SGCZ: variants seen among roughly 807,000 people sequenced by gnomAD.
SGCZ encodes the protein sarcoglycan zeta.
SGCZ carries 40 observed loss-of-function variants against 41.3 expected under a neutral mutation model. That is an observed-to-expected ratio of 0.97 (90% CI 0.75 to 1.26). SGCZ has a LOEUF of 1.26. Ranked by LOEUF, SGCZ falls within the 50% of genes most tolerant of loss-of-function variation. The pLI, the probability that SGCZ is intolerant of heterozygous loss-of-function variation, is 0.00. For missense variants in SGCZ, 552 were observed against 369.8 expected, an observed-to-expected ratio of 1.49 and a Z score of -4.04; for synonymous variants, 206 against 137.5, an observed-to-expected ratio of 1.50 and a Z score of -3.49.
intron 4 of SGCZ, 106 bp downstream of exon 4, chr8:14,237,486 A>T (rs1032465452): frequency 1.1e-6 from 1 of 952,230 alleles, no homozygotes; most frequent in Non-Finnish European, 1.6e-6. Flanking sequence ...CTGTCTCAAA[A>T]CAACAACAAC....
At chr8:15,214,979 T>C (rs959590298) in intron 1 of SGCZ, among the ~76,000 whole-genome samples, 1 of 152,184 alleles carries the variant, frequency 6.6e-6, no homozygotes, top group African/African-American at 2.4e-5. Context: ...AATGTTAAGG[T>C]TGATATTCTT....
In SGCZ at chr8:14,649,380, T is replaced by A. The variant is rs572174951; in HGVS notation, c.40-94454A>T. Among the ~76,000 whole-genome samples the A allele has an allele frequency of 2.0e-5, 3 of 152,222 alleles. No homozygotes were observed. In the East Asian group the frequency reaches 5.8e-4, roughly 29 times the overall value. On this transcript the variant is annotated intron_variant, in intron 1 of 7. Transcript: ENST00000382080. ...TCCAGATAATATTGCTTCCCTAATA[T>A]GAAGGGACAACCCATCTGGCTTCTG...
intron 1 of SGCZ, among the ~76,000 whole-genome samples, chr8:14,792,336 A>T (rs1340191713): frequency 6.6e-6 from 1 of 152,154 alleles, no homozygotes; most frequent in Non-Finnish European, 1.5e-5. Flanking sequence ...TTGTGTTTCC[A>T]CATATCGCTC....
rs919005357 is a variant in SGCZ at position 14,953,486 on chromosome 8, T to A, written c.39+284099A>T. Among the ~76,000 whole-genome samples, 17 of 152,138 alleles carry A rather than the reference T, an allele frequency of 1.1e-4. No individual in the cohort carries two copies. In the South Asian group the frequency reaches 3.5e-3, roughly 32 times the overall value. On this transcript the variant is annotated intron_variant, in intron 1 of 7. Transcript: ENST00000382080. ...CAGAGCCAACACATATTATCACCCC[T>A]CCCAGCCTAACTCAGAAAACATCCA... is the stretch of plus-strand genomic sequence containing the variant.
chr8:14,586,114 T>G (rs1805049201), intron 1 of SGCZ, among the ~76,000 whole-genome samples: 1 of 152,204 alleles, frequency 6.6e-6, no homozygotes, highest in South Asian at 2.1e-4. Flanking sequence ...CTGAGAATAA[T>G]TCTACTTCAT....
chr8:14,113,576 G>C (rs1261292376), intron 5 of SGCZ, among the ~76,000 whole-genome samples: 1 of 151,838 alleles, frequency 6.6e-6, no homozygotes, highest in Non-Finnish European at 1.5e-5. Flanking sequence ...TTTGATTAAT[G>C]GTAAAACCAT....
chr8:14,362,886 T>C (rs951218511), intron 2 of SGCZ, among the ~76,000 whole-genome samples: 2 of 152,228 alleles, frequency 1.3e-5, no homozygotes, highest in African/African-American at 2.4e-5. Context: ...TATGCAAATA[T>C]AGTATTATTG....
chr8:14,650,287 C>T (rs7017407), intron 1 of SGCZ, among the ~76,000 whole-genome samples: 1 of 151,870 alleles, frequency 6.6e-6, no homozygotes, highest in African/African-American at 2.4e-5. Context: ...TCTTTACAGG[C>T]TTCTCATCCT....
chr8:14,237,801 T>G, intron 3 of SGCZ, 122 bp from the exon 4 acceptor site: 5 of 745,362 alleles, frequency 6.7e-6, no homozygotes, highest in Non-Finnish European at 1.0e-5. Flanking sequence ...TATTAGACAG[T>G]TAATTTAACG....
chr8:14,444,358 C>T (rs1800366291), intron 2 of SGCZ, among the ~76,000 whole-genome samples: 1 of 152,084 alleles, frequency 6.6e-6, no homozygotes, highest in Admixed American at 6.6e-5. Context: ...AAGACACATG[C>T]ACACGTATGT....
At chr8:14,784,913 A>AAAAAAAAAAAAAAAAT (rs1408574493) in intron 1 of SGCZ, among the ~76,000 whole-genome samples, 13 of 88,032 alleles carry the variant, frequency 1.5e-4, no homozygotes, top group East Asian at 4.2e-4. Flanking sequence ...AAAAAAAAAA[A>AAAAAAAAAAAAAAAAT]ATATATATAT....
chr8:14,464,885 T>A (rs952971446), intron 2 of SGCZ, among the ~76,000 whole-genome samples: 1 of 151,648 alleles, frequency 6.6e-6, no homozygotes, highest in African/African-American at 2.4e-5. Context: ...TATGTGAATT[T>A]TCCTGTTTCT....
chr8:14,153,172 T>G (rs1484402289), intron 5 of SGCZ, among the ~76,000 whole-genome samples: 1 of 152,184 alleles, frequency 6.6e-6, no homozygotes, highest in Non-Finnish European at 1.5e-5. Flanking sequence ...AAAAACTAGG[T>G]GAATGTTGCA....
intron 1 of SGCZ, among the ~76,000 whole-genome samples, chr8:14,976,127 A>G (rs1420662608): frequency 6.6e-6 from 1 of 151,086 alleles, no homozygotes; most frequent in Non-Finnish European, 1.5e-5. Context: ...GTTTCAAGCG[A>G]TTCTCTCGCC....
intron 1 of SGCZ, among the ~76,000 whole-genome samples, chr8:14,580,161 A>C (rs1331728527): frequency 1.3e-5 from 2 of 152,212 alleles, no homozygotes; most frequent in African/African-American, 2.4e-5. Context: ...TTAGGTTATG[A>C]AAGAAAAGGC....
chr8:14,087,714 T>TAAA lies in SGCZ; in HGVS notation c.*2726_*2728dup, dbSNP rs200896009. 1.2e-4 allele frequency among the ~76,000 whole-genome samples: 18 copies of TAAA among 147,504 alleles called. No individual in the cohort carries two copies. Among genetic ancestry groups the TAAA allele is most frequent in the African/African-American group, 2.7e-4 (11 of 40,578 alleles). The stretch of plus-strand genomic sequence containing the variant: ...TGCAATTAAGGGACCACTATATTTT[T>TAAA]AAAAAAAAAAAAATGCTTTTTTGTG... On this transcript the variant is annotated 3_prime_UTR_variant, in exon 8 of 8. Coordinates refer to ENST00000382080, the MANE Select transcript of SGCZ (RefSeq NM_139167.4).
At chr8:14,577,056 T>C (rs535853913) in intron 1 of SGCZ, among the ~76,000 whole-genome samples, 6 of 152,344 alleles carry the variant, frequency 3.9e-5, no homozygotes, top group African/African-American at 1.4e-4. Flanking sequence ...ACTAAGATCT[T>C]TCAATTGCCA....
At chr8:14,425,650 G>C (rs1490673760) in intron 2 of SGCZ, among the ~76,000 whole-genome samples, 4 of 151,342 alleles carry the variant, frequency 2.6e-5, no homozygotes, top group East Asian at 3.9e-4. Flanking sequence ...AAAAAAAAAA[G>C]AAAAGTACAT....
At chr8:15,065,990 C>A (rs1021993870) in intron 1 of SGCZ, among the ~76,000 whole-genome samples, 2 of 152,126 alleles carry the variant, frequency 1.3e-5, no homozygotes, top group African/African-American at 4.8e-5. Flanking sequence ...TGACTTTATT[C>A]TAGTATTCAT....
Sources: allele counts gnomAD v4.1 joint callset (sites outside exome capture counted in the v4.1 genomes callset), GRCh38; gene constraint gnomAD v4.1.1; transcripts MANE v1.5; gene names NCBI Gene and HGNC (gene_info 2026-07-23, HGNC 2026-07-21).